Variants in ROBO1 observed in about 807,000 individuals in gnomAD.
The protein encoded by ROBO1 is roundabout guidance receptor 1, also known as roundabout homolog 1.
ROBO1 carries 149 observed loss-of-function variants against 195.9 expected under a neutral mutation model. The ratio of observed to expected loss-of-function variants is 0.76; its 90% CI spans 0.67 to 0.87. The LOEUF is 0.87. Among genes scored for constraint, ROBO1 ranks in the 40% least tolerant of loss-of-function variants. The probability of loss-of-function intolerance (pLI) is 0.00; values close to 1 mark genes in which losing one functional copy is unlikely to be tolerated. For synonymous variants in ROBO1, 816 were observed against 733.2 expected, an observed-to-expected ratio of 1.11 and a Z score of -1.82; for missense variants, 1,933 against 2,068.3, an observed-to-expected ratio of 0.93 and a Z score of 1.27.
At chr3:78,814,925 G>A (rs1042982016) in intron 4 of ROBO1, among the ~76,000 whole-genome samples, 4 of 151,956 alleles carry the variant, frequency 2.6e-5, no homozygotes, top group Admixed American at 2.0e-4. Flanking sequence ...GGTAATTTTT[G>A]CAATATTTCT....
intron 10 of ROBO1, among the ~76,000 whole-genome samples, chr3:78,675,081 A>G (rs547700270): frequency 1.3e-5 from 2 of 152,138 alleles, no homozygotes; most frequent in East Asian, 3.9e-4. Context: ...TGAGCTTTTG[A>G]GAGAGACAAT....
chr3:78,650,351 A>G (rs1469024644), intron 19 of ROBO1, among the ~76,000 whole-genome samples: 3 of 152,194 alleles, frequency 2.0e-5, no homozygotes, highest in Non-Finnish European at 4.4e-5. Context: ...TGAAAAAAAC[A>G]TATTTAAGGA....
chr3:79,165,762 T>C (rs185719987), intron 2 of ROBO1, among the ~76,000 whole-genome samples: 2 of 152,310 alleles, frequency 1.3e-5, no homozygotes, highest in East Asian at 3.9e-4. Flanking sequence ...TCTTTTGATA[T>C]GTCAGCTTGG....
At chr3:79,444,541 A>G (rs1371893115) in intron 2 of ROBO1, among the ~76,000 whole-genome samples, 1 of 152,060 alleles carries the variant, frequency 6.6e-6, no homozygotes, top group African/African-American at 2.4e-5. Context: ...TTTAGAAAAC[A>G]TTTTTTCATT....
intron 4 of ROBO1, among the ~76,000 whole-genome samples, chr3:78,866,911 T>C (rs1248536220): frequency 6.6e-6 from 1 of 152,192 alleles, no homozygotes; most frequent in African/African-American, 2.4e-5. Flanking sequence ...ACACGTAGCA[T>C]CAATTTACGC....
intron 3 of ROBO1, among the ~76,000 whole-genome samples, chr3:79,007,483 T>A (rs2077653847): frequency 6.6e-6 from 1 of 152,140 alleles, no homozygotes; most frequent in South Asian, 2.1e-4. Context: ...ACACATAGCA[T>A]TATATCAAAG....
chr3:79,744,429 C>A, intron 1 of ROBO1, among the ~76,000 whole-genome samples: 1 of 152,138 alleles, frequency 6.6e-6, no homozygotes, highest in Non-Finnish European at 1.5e-5. Flanking sequence ...AAACCATAAT[C>A]TCCATGTGAT....
At chr3:79,218,296 T>C (rs1371110971) in intron 2 of ROBO1, among the ~76,000 whole-genome samples, 1 of 151,970 alleles carries the variant, frequency 6.6e-6, no homozygotes, top group Non-Finnish European at 1.5e-5. Flanking sequence ...CTGGCAGCAA[T>C]ATGCTAGGAT....
chr3:78,916,567 A>G (rs1025921670), intron 4 of ROBO1, among the ~76,000 whole-genome samples: 17 of 151,862 alleles, frequency 1.1e-4, no homozygotes, highest in Middle Eastern at 3.2e-3. Context: ...GAAAAAAAAA[A>G]AAAAAAGAAA....
intron 4 of ROBO1, among the ~76,000 whole-genome samples, chr3:78,795,627 A>G (rs2084163986): frequency 2.0e-5 from 3 of 152,238 alleles, no homozygotes; most frequent in South Asian, 2.1e-4. Context: ...TTTAAGACAT[A>G]TAAAAGGGAG....
In ROBO1 at chr3:78,993,922, A is replaced by G. The variant is rs187814790; in HGVS notation, c.173-54995T>C. Reference sequence around the variant, plus strand: ...AGAAATTCAAATCAAAGCAAAAGTTATGTGTAAAAAGGGTGTTAAATATTA... The same window carrying G: ...AGAAATTCAAATCAAAGCAAAAGTTGTGTGTAAAAAGGGTGTTAAATATTA... On this transcript the variant is annotated intron_variant, in intron 3 of 30. Coordinates refer to ENST00000464233, the MANE Select transcript of ROBO1 (RefSeq NM_002941.4). 1.1e-4 allele frequency among the ~76,000 whole-genome samples: 17 copies of G among 152,188 alleles called. No individual in the cohort carries two copies. In the East Asian group the frequency reaches 3.3e-3, roughly 29 times the overall value.
intron 1 of ROBO1, among the ~76,000 whole-genome samples, chr3:79,651,396 A>T (rs1490537363): frequency 6.6e-6 from 1 of 152,172 alleles, no homozygotes; most frequent in Admixed American, 6.6e-5. Context: ...ACTTCCAAAT[A>T]TTAAAAGAAA....
At chr3:79,430,903 T>C (rs1481629980) in intron 2 of ROBO1, among the ~76,000 whole-genome samples, 1 of 152,118 alleles carries the variant, frequency 6.6e-6, no homozygotes, top group African/African-American at 2.4e-5. Flanking sequence ...TAGTGCATTA[T>C]GTTAGACTGG....
chr3:78,687,365 T>C (rs1425158738), intron 9 of ROBO1, among the ~76,000 whole-genome samples: 1 of 152,128 alleles, frequency 6.6e-6, no homozygotes, highest in African/African-American at 2.4e-5. Flanking sequence ...GACACTAGAA[T>C]TCAAATAAGG....
chr3:79,590,183 T>G (rs1943954450), intron 1 of ROBO1, among the ~76,000 whole-genome samples: 1 of 151,776 alleles, frequency 6.6e-6, no homozygotes, highest in Non-Finnish European at 1.5e-5. Context: ...CATTTTCAAG[T>G]TAGATATTAA....
chr3:79,368,761 C>T (rs1449369604), intron 2 of ROBO1, among the ~76,000 whole-genome samples: 1 of 152,116 alleles, frequency 6.6e-6, no homozygotes, highest in Non-Finnish European at 1.5e-5. Flanking sequence ...ACTGTGGATC[C>T]TTAAATCCGC....
intron 3 of ROBO1, among the ~76,000 whole-genome samples, chr3:79,114,841 A>C (rs1479439514): frequency 6.6e-6 from 1 of 152,120 alleles, no homozygotes; most frequent in Non-Finnish European, 1.5e-5. Flanking sequence ...CCATCATGCT[A>C]CCACTTTTGA....
At chr3:79,394,687 T>C (rs1202629313) in intron 2 of ROBO1, among the ~76,000 whole-genome samples, 3 of 152,112 alleles carry the variant, frequency 2.0e-5, no homozygotes, top group African/African-American at 7.2e-5. Flanking sequence ...TATAGATTCT[T>C]CTTAATAGAG....
chr3:78,758,930 A>G (rs1428402709), intron 4 of ROBO1: 1 of 152,186 alleles, frequency 6.6e-6, no homozygotes, highest in Non-Finnish European at 1.5e-5. Flanking sequence ...ACCCCAAATC[A>G]CGCAGAGACA....
Sources: allele counts gnomAD v4.1 joint callset (sites outside exome capture counted in the v4.1 genomes callset), GRCh38; gene constraint gnomAD v4.1.1; transcripts MANE v1.5; gene names NCBI Gene and HGNC (gene_info 2026-07-23, HGNC 2026-07-21).